Variants in NCKAP5 observed in about 807,000 individuals in gnomAD.
The protein encoded by NCKAP5 is NCK associated protein 5.
Under a neutral mutation model 167.0 loss-of-function variants are expected in NCKAP5, and 92 were observed. That is an observed-to-expected ratio of 0.55 (90% CI 0.47 to 0.66). The LOEUF (loss-of-function observed/expected upper bound fraction) is 0.66, where lower values mean the gene tolerates loss of function less well. Ranked by LOEUF, NCKAP5 falls within the 30% of genes least tolerant of loss-of-function variation. The pLI, the probability that NCKAP5 is intolerant of heterozygous loss-of-function variation, is 0.00. For synonymous variants in NCKAP5, 891 were observed against 877.4 expected, an observed-to-expected ratio of 1.02 and a Z score of -0.27; for missense variants, 2,378 against 2,315.0, an observed-to-expected ratio of 1.03 and a Z score of -0.56.
intron 11 of NCKAP5, among the ~76,000 whole-genome samples, chr2:132,825,654 T>C (rs1226968142): frequency 6.6e-6 from 1 of 152,180 alleles, no homozygotes; most frequent in Non-Finnish European, 1.5e-5. Context: ...AAGGAGGTGA[T>C]TGCTTGACTA....
intron 8 of NCKAP5, among the ~76,000 whole-genome samples, chr2:132,921,113 G>T (rs1181260238): frequency 6.6e-6 from 1 of 151,646 alleles, no homozygotes; most frequent in Non-Finnish European, 1.5e-5. Context: ...CCCTTCCTTG[G>T]TTTTTCTCAT....
intron 13 of NCKAP5, 61 bp downstream of exon 13, chr2:132,789,962 T>C: frequency 3.3e-6 from 5 of 1,503,174 alleles, no homozygotes; most frequent in Admixed American, 2.1e-5. Context: ...TTCATCTCCA[T>C]GACCAAATCC....
chr2:133,050,493 T>C (rs2079563031), intron 6 of NCKAP5, among the ~76,000 whole-genome samples: 1 of 152,200 alleles, frequency 6.6e-6, no homozygotes, highest in South Asian at 2.1e-4. Context: ...TAAAGTAATC[T>C]TTCCTGTTTG....
At chr2:132,765,342 C>T (rs1237669093) in intron 16 of NCKAP5, among the ~76,000 whole-genome samples, 21 of 110,984 alleles carry the variant, frequency 1.9e-4, no homozygotes, top group Non-Finnish European at 3.1e-4. Flanking sequence ...GACGGAGTTT[C>T]GCTCTGTCCC....
intron 3 of NCKAP5, among the ~76,000 whole-genome samples, chr2:133,362,200 C>G (rs1414809807): frequency 6.6e-6 from 1 of 152,188 alleles, no homozygotes; most frequent in Non-Finnish European, 1.5e-5. Context: ...CATTCAACTT[C>G]TATATTGCTT....
At chr2:132,878,113 C>T (rs1233716116) in intron 9 of NCKAP5, among the ~76,000 whole-genome samples, 1 of 152,098 alleles carries the variant, frequency 6.6e-6, no homozygotes, top group East Asian at 1.9e-4. Context: ...CAGGATGCGT[C>T]GGTGATTGGT....
chr2:132,680,963 C>T (rs928266026), intron 19 of NCKAP5, among the ~76,000 whole-genome samples: 3 of 152,148 alleles, frequency 2.0e-5, no homozygotes, highest in Non-Finnish European at 4.4e-5. Flanking sequence ...AGGTTGACTG[C>T]CTTTAATAAT....
intron 3 of NCKAP5, among the ~76,000 whole-genome samples, chr2:133,483,628 G>GC (rs57118282): frequency 0.059 from 4,995 of 85,160 alleles, 282 homozygotes; most frequent in African/African-American, 0.21. Flanking sequence ...CAAAAAAAAA[G>GC]GGGGGGGGGC....
intron 17 of NCKAP5, among the ~76,000 whole-genome samples, chr2:132,730,135 A>G (rs1246957714): frequency 6.6e-6 from 1 of 152,142 alleles, no homozygotes; most frequent in African/African-American, 2.4e-5. Flanking sequence ...AATTTCCTGC[A>G]GTGTGTTCAC....
At chr2:133,082,483 G>A (rs138033903) in intron 6 of NCKAP5, among the ~76,000 whole-genome samples, 1 of 152,274 alleles carries the variant, frequency 6.6e-6, no homozygotes, top group Non-Finnish European at 1.5e-5. Context: ...AGGTGGGTGG[G>A]TGGAAGGGGA....
Position 133,361,487 on chromosome 2 carries a change from A to G in NCKAP5, c.70-58377T>C, listed in dbSNP as rs76652471. Among the ~76,000 whole-genome samples the G allele has an allele frequency of 2.6e-3, 389 of 152,302 alleles. 4 individuals are homozygous for G. Among genetic ancestry groups the G allele is most frequent in the African/African-American group, 9.0e-3 (375 of 41,572 alleles). On this transcript the variant is annotated intron_variant, in intron 3 of 19. Coordinates refer to ENST00000409261, the MANE Select transcript of NCKAP5 (RefSeq NM_207363.3). ...TTTCAGTGGCATTAAAATAAATACT[A>G]AGCATATTCTAAATGTATTAGTGAA... is the stretch of plus-strand genomic sequence containing the variant.
At chr2:132,952,103 C>A (rs2076205953) in intron 8 of NCKAP5, among the ~76,000 whole-genome samples, 1 of 152,070 alleles carries the variant, frequency 6.6e-6, no homozygotes, top group African/African-American at 2.4e-5. Flanking sequence ...TTTCTGACAT[C>A]AAAATTTATG....
chr2:133,016,434 G>A (rs2078337639), intron 6 of NCKAP5, among the ~76,000 whole-genome samples: 1 of 152,166 alleles, frequency 6.6e-6, no homozygotes, highest in Admixed American at 6.5e-5. Context: ...ACCAAAATCT[G>A]ATGGAAACAA....
At chr2:132,748,196 G>T (rs1446925957) in intron 16 of NCKAP5, among the ~76,000 whole-genome samples, 1 of 152,202 alleles carries the variant, frequency 6.6e-6, no homozygotes, top group Non-Finnish European at 1.5e-5. Context: ...ACACTCCCAT[G>T]TCTAAGGGAG....
intron 11 of NCKAP5, among the ~76,000 whole-genome samples, chr2:132,829,686 AAGTC>A (rs1032168320): frequency 2.0e-5 from 3 of 152,054 alleles, no homozygotes; most frequent in Admixed American, 2.0e-4. Context: ...GGGCTTGAAA[AAGTC>A]AGATTACTGG....
intron 5 of NCKAP5, among the ~76,000 whole-genome samples, chr2:133,200,748 A>C (rs1010183412): frequency 2.6e-5 from 4 of 152,232 alleles, no homozygotes; most frequent in Non-Finnish European, 4.4e-5. Context: ...AAACAACTGC[A>C]CAAGAATTTC....
intron 19 of NCKAP5, among the ~76,000 whole-genome samples, chr2:132,717,643 C>T (rs1204687209): frequency 6.6e-6 from 1 of 152,182 alleles, no homozygotes; most frequent in Non-Finnish European, 1.5e-5. Context: ...TATCCCTCAG[C>T]GTCCCTTTTA....
chr2:132,960,282 G>A (rs1414918651), intron 8 of NCKAP5, among the ~76,000 whole-genome samples: 1 of 152,198 alleles, frequency 6.6e-6, no homozygotes, highest in Non-Finnish European at 1.5e-5. Context: ...GGCATGCAGA[G>A]ACCTAGACAG....
intron 3 of NCKAP5, among the ~76,000 whole-genome samples, chr2:133,390,354 G>T (rs755950345): frequency 8.5e-5 from 13 of 152,140 alleles, no homozygotes; most frequent in Non-Finnish European, 1.3e-4. Flanking sequence ...CTCTCCTGTT[G>T]AATGTGGCTA....
Sources: allele counts gnomAD v4.1 joint callset (sites outside exome capture counted in the v4.1 genomes callset), GRCh38; gene constraint gnomAD v4.1.1; transcripts MANE v1.5; gene names NCBI Gene and HGNC (gene_info 2026-07-23, HGNC 2026-07-21).